Variants in LILRA2 observed in about 807,000 individuals in gnomAD.
The protein encoded by LILRA2 is leukocyte immunoglobulin-like receptor subfamily A member 2.
Under a neutral mutation model 47.9 loss-of-function variants are expected in LILRA2, and 45 were observed. The ratio of observed to expected loss-of-function variants is 0.94; its 90% CI spans 0.74 to 1.20. The LOEUF is 1.20. Among genes scored for constraint, LILRA2 ranks in the 50% most tolerant of loss-of-function variants. The pLI is 0.00. For missense variants in LILRA2, 651 were observed against 598.2 expected (o/e 1.09, Z -0.92); for synonymous variants, 279 against 249.2 (o/e 1.12, Z -1.13).
intron 6 of LILRA2, 27 bp downstream of exon 6, chr19:54,576,136 G>A (rs368062451): frequency 3.7e-5 from 60 of 1,611,770 alleles, no homozygotes; most frequent in East Asian, 1.6e-4. Flanking sequence ...TGTCCTCTCC[G>A]AGCTCAAAGG....
intron 6 of LILRA2, among the ~76,000 whole-genome samples, chr19:54,578,699 C>T (rs1205507620): frequency 6.6e-6 from 1 of 152,246 alleles, no homozygotes; most frequent in Non-Finnish European, 1.5e-5. Flanking sequence ...AATCGTCACA[C>T]TGTCTTCCAC....
In LILRA2 at chr19:54,587,678, G is replaced by GT. The variant is rs530067929; in HGVS notation, c.*333dup. 80 of 352,198 alleles carry GT rather than the reference G, an allele frequency of 2.3e-4. No individual in the cohort carries two copies. Among genetic ancestry groups the GT allele is most frequent in the Non-Finnish European group, 3.7e-4 (70 of 189,958 alleles). 21.8% of individuals were successfully genotyped at this position (352,198 alleles called of 1,614,324 possible). ...ACCTGTGTGCTCTGGTCCACGGCAT[G>GT]TGACACAGTCTTCCTTATTCCTCAT... On this transcript the variant is annotated 3_prime_UTR_variant, in exon 8 of 8. Transcript: ENST00000391738.
chr19:54,586,265 A>T, intron 6 of LILRA2, among the ~76,000 whole-genome samples: 1 of 152,106 alleles, frequency 6.6e-6, no homozygotes, highest in South Asian at 2.1e-4. Flanking sequence ...TTGACATGAC[A>T]GGTCTTTACA....
chr19:54,580,111 C>T (rs879345222), intron 6 of LILRA2, among the ~76,000 whole-genome samples: 1 of 151,336 alleles, frequency 6.6e-6, no homozygotes, highest in Non-Finnish European at 1.5e-5. Context: ...CTTTCTCTTG[C>T]GTGATTGCCC....
In LILRA2 at chr19:54,586,997, T is replaced by C; in HGVS notation, c.1256-13T>C. On this transcript the variant is annotated splice_polypyrimidine_tract_variant and intron_variant, in intron 6 of 7. Transcript: ENST00000391738. ...CTGGGCTCAGGGCTCTTCTCCACTGTTTTGATTCTCAGAAGCAGCTGAGAC... is the reference window on the plus strand; with the variant it reads ...CTGGGCTCAGGGCTCTTCTCCACTGCTTTGATTCTCAGAAGCAGCTGAGAC... 6.2e-7 allele frequency: 1 copy of C among 1,608,018 alleles called. No individual in the cohort carries two copies. The highest frequency in any genetic ancestry group is 1.1e-5 in the South Asian group (1 of 90,516).
chr19:54,578,163 G>T (rs2062532401), intron 6 of LILRA2, among the ~76,000 whole-genome samples: 1 of 151,128 alleles, frequency 6.6e-6, no homozygotes, highest in Non-Finnish European at 1.5e-5. Context: ...AAGTTCCAGG[G>T]TACATGTGCA....
At position 54,587,594 on chromosome 19, in the gene LILRA2, C is replaced by T; in HGVS notation, c.*248C>T. 3.1e-6 allele frequency: 2 copies of T among 651,772 alleles called. No homozygotes were observed. The highest frequency in any genetic ancestry group is 4.2e-5 in the South Asian group (2 of 47,596). 40.4% of individuals were successfully genotyped at this position (651,772 alleles called of 1,614,324 possible). On this transcript the variant is annotated 3_prime_UTR_variant, in exon 8 of 8. Coordinates refer to ENST00000391738, the MANE Select transcript of LILRA2 (RefSeq NM_001130917.3). ...TCCCTTGACTGGATCCCCTTTTTTT[C>T]CCATCCCCAGACATGAGGCTCCATC...
intron 6 of LILRA2, among the ~76,000 whole-genome samples, chr19:54,576,590 CTG>C (rs1488591356): frequency 0.012 from 1,834 of 151,782 alleles, 1 homozygote; most frequent in African/African-American, 0.042. Context: ...AGGGTGTGGT[CTG>C]CGTGGCTTCC....
chr19:54,576,388 C>T (rs1204301086), intron 6 of LILRA2, among the ~76,000 whole-genome samples: 1 of 152,156 alleles, frequency 6.6e-6, no homozygotes, highest in Non-Finnish European at 1.5e-5. Flanking sequence ...AAGACGGAGA[C>T]CCCACCCGCT....
rs1421145617 is a variant in LILRA2 at position 54,586,990 on chromosome 19, T to C, written c.1256-20T>C. 2 of 1,603,112 alleles carry C rather than the reference T, an allele frequency of 1.2e-6. No homozygotes were observed. Among genetic ancestry groups the C allele is most frequent in the Non-Finnish European group, 1.7e-6 (2 of 1,172,560 alleles). The stretch of plus-strand genomic sequence containing the variant: ...AGTGAGGCTGGGCTCAGGGCTCTTC[T>C]CCACTGTTTTGATTCTCAGAAGCAG... On this transcript the variant is annotated intron_variant, in intron 6 of 7. Coordinates refer to ENST00000391738, the MANE Select transcript of LILRA2 (RefSeq NM_001130917.3).
rs2062687521 is a variant in LILRA2, at chr19:54,582,962, T to C, written c.1256-4048T>C. Among the ~76,000 whole-genome samples the C allele has an allele frequency of 2.0e-5, 3 of 152,234 alleles. No individual in the cohort carries two copies. In the South Asian group the frequency reaches 6.2e-4, roughly 31 times the overall value. On this transcript the variant is annotated intron_variant, in intron 6 of 7. Coordinates refer to ENST00000391738, the MANE Select transcript of LILRA2 (RefSeq NM_001130917.3). ...CACTGCTTTAAATGTGTCCCAGAGA[T>C]TCTGTTATGTTTTGTCTTTGTTCTC...
rs1264591589 is a variant in LILRA2 at position 54,590,277 on chromosome 19, T to C, written c.*2931T>C. The C allele has an allele frequency of 6.6e-6, 1 of 152,214 alleles. No individual in the cohort carries two copies. Among genetic ancestry groups the C allele is most frequent in the Non-Finnish European group, 1.5e-5 (1 of 68,044 alleles). 9.4% of individuals were successfully genotyped at this position (152,214 alleles called of 1,614,324 possible). ...TGACTAATGAAAAATTTAATAAATA[T>C]TCTACACCAATACAATGTTTATCAT... On this transcript the variant is annotated 3_prime_UTR_variant, in exon 8 of 8. Coordinates refer to ENST00000391738, the MANE Select transcript of LILRA2 (RefSeq NM_001130917.3).
intron 6 of LILRA2, among the ~76,000 whole-genome samples, chr19:54,583,437 G>A (rs1345657048): frequency 2.6e-5 from 4 of 152,052 alleles, no homozygotes; most frequent in Non-Finnish European, 5.9e-5. Context: ...TAAGGACTTG[G>A]TTTTTGAATC....
At position 54,577,795 on chromosome 19, in the gene LILRA2, GTTACTTT is replaced by G. The variant is rs551673146; in HGVS notation, c.1255+1689_1255+1695del. 935 of 1,005,770 alleles carry G rather than the reference GTTACTTT, an allele frequency of 9.3e-4. 2 individuals are homozygous for G. Among genetic ancestry groups the G allele is most frequent in the Middle Eastern group, 8.7e-3 (26 of 2,994 alleles). 62.3% of individuals were successfully genotyped at this position (1,005,770 alleles called of 1,614,324 possible). A position where few individuals can be genotyped will look rare whatever the true frequency, so the allele number is the denominator to read the frequency against. ...CATTTTCTGTATGCACTTGTCCTTT[GTTACTTT>G]TTTTCTAAAACTTTTAAAACAGTAT... On this transcript the variant is annotated intron_variant, in intron 6 of 7. Coordinates refer to ENST00000391738, the MANE Select transcript of LILRA2 (RefSeq NM_001130917.3).
chr19:54,580,216 T>C (rs1330987925), intron 6 of LILRA2, among the ~76,000 whole-genome samples: 4 of 144,670 alleles, frequency 2.8e-5, no homozygotes, highest in Admixed American at 2.7e-4. Context: ...TTTTTTTTAT[T>C]ATACTCTAAG....
In LILRA2 at chr19:54,575,246, C is replaced by A. The variant is rs747493077; in HGVS notation, c.656-10C>A. The A allele has an allele frequency of 1.2e-6, 2 of 1,602,296 alleles. No homozygotes were observed. The highest frequency in any genetic ancestry group is 1.7e-6 in the Non-Finnish European group (2 of 1,172,668). ...GTCGGCTCCTGGAAACCATGAACACCTTTTCCCAGGTGTTTCTAAGAAGCC... is the reference window on the plus strand; with the variant it reads ...GTCGGCTCCTGGAAACCATGAACACATTTTCCCAGGTGTTTCTAAGAAGCC... On this transcript the variant is annotated splice_polypyrimidine_tract_variant and intron_variant, in intron 4 of 7. Coordinates refer to ENST00000391738, the MANE Select transcript of LILRA2 (RefSeq NM_001130917.3).
intron 6 of LILRA2, 130 bp downstream of exon 6, chr19:54,576,239 G>C: frequency 8.4e-7 from 1 of 1,195,544 alleles, no homozygotes. Context: ...TCCAGCCCAT[G>C]GGAGAGTGGA....
intron 6 of LILRA2, among the ~76,000 whole-genome samples, chr19:54,585,332 C>T (rs191359445): frequency 2.5e-4 from 38 of 152,318 alleles, no homozygotes; most frequent in African/African-American, 8.7e-4. Context: ...CAGACAGGGA[C>T]GTTTAAGTCT....
At chr19:54,578,369 C>T (rs2062540489) in intron 6 of LILRA2, among the ~76,000 whole-genome samples, 1 of 151,808 alleles carries the variant, frequency 6.6e-6, no homozygotes, top group East Asian at 1.9e-4. Context: ...TGAGTGAGAA[C>T]ATGCGGTGTT....
Sources: gnomAD v4.1 joint callset for allele counts (sites outside exome capture counted in the v4.1 genomes callset) on GRCh38, gnomAD v4.1.1 for gene constraint, MANE v1.5 for transcripts, NCBI Gene and HGNC (gene_info 2026-07-23, HGNC 2026-07-21) for gene names.